LAMA2: variants seen among roughly 807,000 people sequenced by gnomAD.
The protein encoded by LAMA2 is laminin subunit alpha-2.
In LAMA2, 269 loss-of-function variants were observed where a neutral mutation model predicts 364.8. The observed-to-expected ratio is 0.74, with a 90% CI of 0.67 to 0.82. LAMA2 has a LOEUF of 0.82. Ranked by LOEUF, LAMA2 falls within the 40% of genes least tolerant of loss-of-function variation. The probability of loss-of-function intolerance (pLI) is 0.00; values close to 1 mark genes in which losing one functional copy is unlikely to be tolerated. For missense variants in LAMA2, 3,807 were observed against 3,873.2 expected, an observed-to-expected ratio of 0.98 and a Z score of 0.45; for synonymous variants, 1,379 against 1,370.6, an observed-to-expected ratio of 1.01 and a Z score of -0.14.
At chr6:129,040,710 G>T (rs767170439) in intron 1 of LAMA2, among the ~76,000 whole-genome samples, 2 of 152,188 alleles carry the variant, frequency 1.3e-5, no homozygotes, top group Non-Finnish European at 2.9e-5. Flanking sequence ...CCTTCAGGAG[G>T]CAGAAGAAGG....
chr6:129,478,948 C>A (rs756227852), intron 54 of LAMA2, 135 bp downstream of exon 54: 38 of 819,106 alleles, frequency 4.6e-5, no homozygotes, highest in Non-Finnish European at 7.5e-5. Flanking sequence ...AACGATAAAG[C>A]AAGATTAAAG....
At chr6:129,409,438 A>T (rs1463715441) in intron 40 of LAMA2, among the ~76,000 whole-genome samples, 1 of 152,166 alleles carries the variant, frequency 6.6e-6, no homozygotes, top group Non-Finnish European at 1.5e-5. Context: ...GAGCCTGATC[A>T]TGTATATACC....
chr6:129,116,896 A>G (rs1776513654), intron 4 of LAMA2, among the ~76,000 whole-genome samples: 1 of 152,130 alleles, frequency 6.6e-6, no homozygotes, highest in South Asian at 2.1e-4. Context: ...TGCATGTTAA[A>G]GAAGTGTACT....
At chr6:128,898,397 CT>C (rs1371162034) in intron 1 of LAMA2, among the ~76,000 whole-genome samples, 4 of 152,200 alleles carry the variant, frequency 2.6e-5, no homozygotes, top group Non-Finnish European at 5.9e-5. Context: ...CTTTTCCCAA[CT>C]CAGAAAATGG....
chr6:129,449,398 G>T lies in LAMA2; in HGVS notation c.6429+3577G>T, dbSNP rs551959414. On this transcript the variant is annotated intron_variant, in intron 45 of 64. Coordinates refer to ENST00000421865, the MANE Select transcript of LAMA2 (RefSeq NM_000426.4). ...ATGCTCAGGAGAGGAGGAACATTGT[G>T]CCCTCACATGGCAGAAGAGCAAGAG... Among the ~76,000 whole-genome samples the T allele has an allele frequency of 7.9e-5, 12 of 152,272 alleles. No individual in the cohort carries two copies. In the South Asian group the frequency reaches 2.5e-3, roughly 32 times the overall value.
chr6:129,419,382 G>A (rs1455632035), intron 40 of LAMA2, among the ~76,000 whole-genome samples: 1 of 152,230 alleles, frequency 6.6e-6, no homozygotes, highest in East Asian at 1.9e-4. Flanking sequence ...ACATTAACTA[G>A]AGGGAAAATT....
chr6:129,326,029 A>G (rs1455949787), intron 28 of LAMA2, among the ~76,000 whole-genome samples: 3 of 152,158 alleles, frequency 2.0e-5, no homozygotes, highest in South Asian at 2.1e-4. Context: ...TAGTCAAGAC[A>G]TGGTTTCACC....
intron 28 of LAMA2, among the ~76,000 whole-genome samples, chr6:129,326,647 CACAT>C (rs1188190615): frequency 1.3e-5 from 2 of 149,138 alleles, no homozygotes; most frequent in Non-Finnish European, 3.0e-5. Flanking sequence ...CATAGTAACA[CACAT>C]GCATGCACCT....
chr6:129,167,742 C>A (rs1485141213), intron 9 of LAMA2, among the ~76,000 whole-genome samples: 1 of 152,170 alleles, frequency 6.6e-6, no homozygotes, highest in Non-Finnish European at 1.5e-5. Context: ...GCCACACTGA[C>A]TTCCACAATG....
intron 1 of LAMA2, among the ~76,000 whole-genome samples, chr6:128,942,307 A>T (rs1314469067): frequency 6.6e-6 from 1 of 152,180 alleles, no homozygotes; most frequent in Non-Finnish European, 1.5e-5. Flanking sequence ...GAGCTTTTAA[A>T]ATAACAGTAC....
At chr6:129,330,926 T>A (rs985348189) in intron 29 of LAMA2, among the ~76,000 whole-genome samples, 3 of 152,002 alleles carry the variant, frequency 2.0e-5, no homozygotes, top group East Asian at 3.9e-4. Flanking sequence ...TGGAGTGCAG[T>A]GACGCGATCT....
intron 40 of LAMA2, among the ~76,000 whole-genome samples, chr6:129,419,695 AT>A (rs1228478599): frequency 6.6e-6 from 1 of 152,120 alleles, no homozygotes; most frequent in Non-Finnish European, 1.5e-5. Flanking sequence ...ATCATGAGCA[AT>A]TTGGGGGATT....
rs1775415793 is a variant in LAMA2, at chr6:129,328,185, G to C, written c.4177-93G>C. On this transcript the variant is annotated intron_variant, in intron 28 of 64. Coordinates refer to ENST00000421865, the MANE Select transcript of LAMA2 (RefSeq NM_000426.4). ...GTTGCCCCTGCCGCAGGTGGGGGAA[G>C]GCCAGTCTGTCTTTGCAGCCACTGA... is the stretch of plus-strand genomic sequence containing the variant. 3.6e-6 allele frequency: 4 copies of C among 1,100,950 alleles called. No homozygotes were observed. The Admixed American group carries it at 5.1e-5, about 14-fold the overall frequency. 68.2% of individuals were successfully genotyped at this position (1,100,950 alleles called of 1,614,324 possible). A position where few individuals can be genotyped will look rare whatever the true frequency, so the allele number is the denominator to read the frequency against.
At chr6:129,026,402 A>C (rs1157318944) in intron 1 of LAMA2, among the ~76,000 whole-genome samples, 1 of 152,176 alleles carries the variant, frequency 6.6e-6, no homozygotes, top group African/African-American at 2.4e-5. Context: ...TGGTTACATA[A>C]ATATGCACTA....
At chr6:129,081,028 T>C (rs1774015984) in intron 3 of LAMA2, among the ~76,000 whole-genome samples, 1 of 152,084 alleles carries the variant, frequency 6.6e-6, no homozygotes, top group Non-Finnish European at 1.5e-5. Context: ...TTTAAGAAAA[T>C]GTGGCACATA....
At chr6:129,195,509 C>T (rs980870056) in intron 12 of LAMA2, among the ~76,000 whole-genome samples, 4 of 152,146 alleles carry the variant, frequency 2.6e-5, no homozygotes, top group Admixed American at 6.5e-5. Context: ...AAACTTAGCA[C>T]GTTTTTATAC....
At chr6:128,964,730 T>C (rs928445258) in intron 1 of LAMA2, among the ~76,000 whole-genome samples, 1 of 152,064 alleles carries the variant, frequency 6.6e-6, no homozygotes, top group South Asian at 2.1e-4. Context: ...ATCAAAGTCA[T>C]CTTTATTTAA....
intron 4 of LAMA2, among the ~76,000 whole-genome samples, chr6:129,108,607 A>T (rs1332053039): frequency 6.6e-6 from 1 of 151,910 alleles, no homozygotes; most frequent in African/African-American, 2.4e-5. Context: ...AGCTGTTCTT[A>T]AAAGACCTTC....
At chr6:129,350,157 A>G (rs1394233366) in intron 31 of LAMA2, among the ~76,000 whole-genome samples, 1 of 152,198 alleles carries the variant, frequency 6.6e-6, no homozygotes, top group African/African-American at 2.4e-5. Context: ...TTTAGATATT[A>G]TCTTTAATGT....
Sources: gnomAD v4.1 joint callset for allele counts (sites outside exome capture counted in the v4.1 genomes callset) on GRCh38, gnomAD v4.1.1 for gene constraint, MANE v1.5 for transcripts, NCBI Gene and HGNC (gene_info 2026-07-23, HGNC 2026-07-21) for gene names.